Variants in RNF141 observed in about 807,000 individuals in gnomAD.
RNF141 encodes ring finger protein 141.
A neutral mutation model predicts 27.4 loss-of-function variants in RNF141; 18 were observed. The ratio of observed to expected loss-of-function variants is 0.66; its 90% confidence interval spans 0.45 to 0.97. The LOEUF (loss-of-function observed/expected upper bound fraction) is 0.97. Ranked by LOEUF, RNF141 falls within the 50% of genes least tolerant of loss-of-function variation. RNF141 has a pLI of 0.00. For missense variants in RNF141, 230 were observed against 279.4 expected (o/e 0.82, Z 1.26); for synonymous variants, 97 against 96.6 (o/e 1.00, Z -0.02).
Position 10,522,369 on chromosome 11 carries a change from A to G in RNF141, c.434+2823T>C, listed in dbSNP as rs1401882942. 3.3e-5 allele frequency among the ~76,000 whole-genome samples: 5 copies of G among 152,354 alleles called. No homozygotes were observed. The East Asian group carries it at 9.6e-4, about 29-fold the overall frequency. On this transcript the variant is annotated intron_variant, in intron 4 of 5. Coordinates refer to ENST00000265981, the MANE Select transcript of RNF141 (RefSeq NM_016422.4). Reference sequence around the variant, plus strand: ...TGGGAGATACAGAAATAGCCAGTGGAACCAGTACAAAGTTCTCTTAACTTT... The same window carrying G: ...TGGGAGATACAGAAATAGCCAGTGGGACCAGTACAAAGTTCTCTTAACTTT...
chr11:10,527,455 G>A (rs1034937630), intron 3 of RNF141, among the ~76,000 whole-genome samples: 1 of 148,500 alleles, frequency 6.7e-6, no homozygotes, highest in African/African-American at 2.4e-5. Flanking sequence ...GAAATACAAA[G>A]GCTGTTTAAT....
intron 5 of RNF141, among the ~76,000 whole-genome samples, chr11:10,517,900 C>T (rs1849855350): frequency 2.6e-5 from 4 of 151,952 alleles, no homozygotes; most frequent in African/African-American, 9.7e-5. Context: ...TTTCCATATA[C>T]TAGTATCAAT....
rs922638393 is a variant in RNF141 at position 10,541,135 on chromosome 11, C to G, written c.-61G>C. 1 of 152,416 alleles carries G rather than the reference C, an allele frequency of 6.6e-6. No individual in the cohort carries two copies. The highest frequency in any genetic ancestry group is 1.5e-5 in the Non-Finnish European group (1 of 68,206). The allele number at this position is 152,416 out of a possible 1,614,324, so 9.4% of individuals were successfully genotyped here. A position where few individuals can be genotyped will look rare whatever the true frequency, so the allele number is the denominator to read the frequency against. Reference sequence around the variant, plus strand: ...CGCGGAGCTCACCCCAGGTTCAAGGCATCGCGCACCCTGCGGCAGCGGCTG... The same window carrying G: ...CGCGGAGCTCACCCCAGGTTCAAGGGATCGCGCACCCTGCGGCAGCGGCTG... On this transcript the variant is annotated 5_prime_UTR_variant, in exon 1 of 6. It removes an upstream start codon present in the reference 5' UTR. Coordinates refer to ENST00000265981, the MANE Select transcript of RNF141 (RefSeq NM_016422.4).
At chr11:10,532,520 CACACACACACACACACACCCCA>C (rs1564868726) in intron 2 of RNF141, among the ~76,000 whole-genome samples, 2 of 146,234 alleles carry the variant, frequency 1.4e-5, no homozygotes, top group Non-Finnish European at 3.0e-5. Context: ...CACACACACA[CACACACACACACACACACCCCA>C]CAACTATATA....
chr11:10,535,367 A>AC (rs397814351), intron 1 of RNF141, among the ~76,000 whole-genome samples: 1 of 150,868 alleles, frequency 6.6e-6, no homozygotes, highest in African/African-American at 2.4e-5. Context: ...TAAAAAAAAA[A>AC]CAAAAAACAA....
At chr11:10,531,625 G>A (rs369683849) in intron 2 of RNF141, among the ~76,000 whole-genome samples, 1 of 152,108 alleles carries the variant, frequency 6.6e-6, no homozygotes, top group African/African-American at 2.4e-5. Flanking sequence ...GAGAGCTAAA[G>A]GATTTAAACA....
At position 10,541,008 on chromosome 11, in the gene RNF141, C is replaced by G. The variant is rs368701893; in HGVS notation, c.-48+114G>C. On this transcript the variant is annotated intron_variant, in intron 1 of 5. Coordinates refer to ENST00000265981, the MANE Select transcript of RNF141 (RefSeq NM_016422.4). Reference sequence around the variant, plus strand: ...GAGGGCGGCGGGGCTAGGCCTGTCTCCCCGCGGAAGCCTGGCTCGGCAGCG... The same window carrying G: ...GAGGGCGGCGGGGCTAGGCCTGTCTGCCCGCGGAAGCCTGGCTCGGCAGCG... The G allele has an allele frequency of 4.6e-5, 7 of 152,246 alleles. No individual in the cohort carries two copies. The South Asian group carries it at 1.4e-3, about 32-fold the overall frequency. 9.4% of individuals were successfully genotyped at this position (152,246 alleles called of 1,614,324 possible).
At chr11:10,538,792 C>T (rs1850059411) in intron 1 of RNF141, among the ~76,000 whole-genome samples, 1 of 152,204 alleles carries the variant, frequency 6.6e-6, no homozygotes, top group Non-Finnish European at 1.5e-5. Context: ...AAATGTAAAA[C>T]TGTGAAAATC....
At chr11:10,520,912 T>C (rs967902807) in intron 4 of RNF141, among the ~76,000 whole-genome samples, 1 of 152,240 alleles carries the variant, frequency 6.6e-6, no homozygotes. Flanking sequence ...TTATTCACTA[T>C]GTGTAACACA....
intron 4 of RNF141, among the ~76,000 whole-genome samples, chr11:10,520,811 T>A (rs1002930168): frequency 2.0e-5 from 3 of 152,184 alleles, no homozygotes; most frequent in Non-Finnish European, 4.4e-5. Context: ...GCAATAGGAA[T>A]TTTTTAGCTC....
chr11:10,528,128 T>G (rs897578558), intron 3 of RNF141, among the ~76,000 whole-genome samples: 6 of 152,218 alleles, frequency 3.9e-5, no homozygotes, highest in African/African-American at 1.4e-4. Context: ...TTAAATATTA[T>G]TTAAGGATAA....
Position 10,520,091 on chromosome 11 carries a change from G to T in RNF141, c.435-950C>A, listed in dbSNP as rs181834411. ...CGTGGGCCGTGAGTTGAACAAGCTT[G>T]GCCTAGGACATTACTGTATAGCACT... On this transcript the variant is annotated intron_variant, in intron 4 of 5. Transcript: ENST00000265981. 6.2e-4 allele frequency among the ~76,000 whole-genome samples: 95 copies of T among 152,274 alleles called. 1 individual carries two copies. Among genetic ancestry groups the T allele is most frequent in the South Asian group, 3.9e-3 (19 of 4,816 alleles).
intron 3 of RNF141, among the ~76,000 whole-genome samples, 193 bp from the exon 4 acceptor site, chr11:10,525,566 C>A (rs1175919924): frequency 5.3e-5 from 8 of 152,102 alleles, no homozygotes; most frequent in African/African-American, 1.9e-4. Flanking sequence ...GTTCAAACTT[C>A]TTATACAAAT....
chr11:10,533,364 G>A (rs554027303), intron 2 of RNF141, among the ~76,000 whole-genome samples: 1 of 152,140 alleles, frequency 6.6e-6, no homozygotes, highest in African/African-American at 2.4e-5. Context: ...TACTCTTTAA[G>A]AAGGCAGAGA....
chr11:10,520,073 C>T (rs1849875919), intron 4 of RNF141, among the ~76,000 whole-genome samples: 1 of 152,140 alleles, frequency 6.6e-6, no homozygotes, highest in African/African-American at 2.4e-5. Context: ...GCCCGTGGGC[C>T]GTGAGTTGAA....
rs929179011 is a variant in RNF141, at chr11:10,518,808, G to A, written c.542+226C>T. The A allele has an allele frequency of 3.0e-5, 12 of 399,768 alleles. No homozygotes were observed. The South Asian group carries it at 6.0e-4, about 20-fold the overall frequency. 24.8% of individuals were successfully genotyped at this position (399,768 alleles called of 1,614,324 possible). On this transcript the variant is annotated intron_variant, in intron 5 of 5. Transcript: ENST00000265981. ...TAAGTCAGGCACAAATTTTCATACAGCAAAAGAAAAGTGTCAAAACTAAGG... is the reference window on the plus strand; with the variant it reads ...TAAGTCAGGCACAAATTTTCATACAACAAAAGAAAAGTGTCAAAACTAAGG...
chr11:10,521,233 ACAT>A (rs1849885487), intron 4 of RNF141, among the ~76,000 whole-genome samples: 3 of 152,192 alleles, frequency 2.0e-5, no homozygotes, highest in South Asian at 2.1e-4. Flanking sequence ...TCAGCTCAAA[ACAT>A]CATCATCTCT....
At chr11:10,515,323 C>A in intron 5 of RNF141, 1 of 395,236 alleles carries the variant, frequency 2.5e-6, no homozygotes, top group East Asian at 4.4e-5. Context: ...CGCACGTGCA[C>A]ACACACATTT....
rs192936200 is a variant in RNF141, at chr11:10,512,517, T to C, written c.*2399A>G. On this transcript the variant is annotated 3_prime_UTR_variant, in exon 6 of 6. Coordinates refer to ENST00000265981, the MANE Select transcript of RNF141 (RefSeq NM_016422.4). Reference sequence around the variant, plus strand: ...TGAAGGATTCTGGGGGATAAAATCATTGGCTATCCCTGGAAAGATCCAAAA... The same window carrying C: ...TGAAGGATTCTGGGGGATAAAATCACTGGCTATCCCTGGAAAGATCCAAAA... The C allele has an allele frequency of 6.6e-6, 1 of 152,614 alleles. No homozygotes were observed. Among genetic ancestry groups the C allele is most frequent in the Non-Finnish European group, 1.5e-5 (1 of 68,028 alleles). 9.5% of individuals were successfully genotyped at this position (152,614 alleles called of 1,614,324 possible).
Sources: allele counts gnomAD v4.1 joint callset (sites outside exome capture counted in the v4.1 genomes callset), GRCh38; gene constraint gnomAD v4.1.1; transcripts MANE v1.5; gene names NCBI Gene and HGNC (gene_info 2026-07-23, HGNC 2026-07-21).